The following RHBDL2 variants were observed in gnomAD, a reference collection of about 807,000 sequenced individuals.
RHBDL2 encodes the protein rhomboid like 2, also known as rhomboid-related protein 2.
In RHBDL2, 26 loss-of-function variants were observed where a neutral mutation model predicts 31.7. The observed-to-expected ratio is 0.82, with a 90% CI of 0.60 to 1.14. The LOEUF (loss-of-function observed/expected upper bound fraction) is 1.14, where lower values mean the gene tolerates loss of function less well. RHBDL2 is among the 50% of genes most tolerant of loss of function. The pLI is 0.00. For missense variants in RHBDL2, 336 were observed against 364.4 expected, an observed-to-expected ratio of 0.92 and a Z score of 0.63; for synonymous variants, 123 against 127.2, an observed-to-expected ratio of 0.97 and a Z score of 0.22.
At chr1:38,897,813 A>T (rs1215092962) in intron 4 of RHBDL2, among the ~76,000 whole-genome samples, 1 of 152,204 alleles carries the variant, frequency 6.6e-6, no homozygotes, top group African/African-American at 2.4e-5. Flanking sequence ...AAACAGGTAT[A>T]TGGATGACTG....
At chr1:38,893,857 A>C (rs1642882815) in intron 5 of RHBDL2, among the ~76,000 whole-genome samples, 1 of 152,090 alleles carries the variant, frequency 6.6e-6, no homozygotes, top group African/African-American at 2.4e-5. Context: ...CTCCTGTCTC[A>C]GACTCCTGAG....
At chr1:38,932,296 T>C (rs1346939010) in intron 1 of RHBDL2, among the ~76,000 whole-genome samples, 1 of 151,698 alleles carries the variant, frequency 6.6e-6, no homozygotes, top group Non-Finnish European at 1.5e-5. Flanking sequence ...GTGCCAGACC[T>C]ATGAATGGAA....
rs1404155823 is a variant in RHBDL2, at chr1:38,936,025, A to G, written c.-126+5657T>C. 2.6e-5 allele frequency among the ~76,000 whole-genome samples: 4 copies of G among 151,494 alleles called. No homozygotes were observed. In the South Asian group the frequency reaches 6.3e-4, roughly 24 times the overall value. ...CCTCTTGGGCTCAAGATATCCTCCC[A>G]CCTCAGCCTCCCAAATAGCTAGGAC... On this transcript the variant is annotated intron_variant, in intron 1 of 7. Transcript: ENST00000372990.
chr1:38,911,649 C>T (rs867259287), intron 3 of RHBDL2, among the ~76,000 whole-genome samples: 1 of 134,622 alleles, frequency 7.4e-6, no homozygotes, highest in African/African-American at 2.7e-5. Context: ...TGTGTGTGCG[C>T]GCGCGCGCGC....
chr1:38,897,898 T>C (rs1253587168), intron 4 of RHBDL2, among the ~76,000 whole-genome samples: 1 of 152,016 alleles, frequency 6.6e-6, no homozygotes, highest in Non-Finnish European at 1.5e-5. Context: ...TGGGAGGCCA[T>C]GGCAGGTGGA....
intron 1 of RHBDL2, among the ~76,000 whole-genome samples, chr1:38,925,532 G>A (rs759586610): frequency 6.6e-6 from 1 of 151,680 alleles, no homozygotes; most frequent in Non-Finnish European, 1.5e-5. Flanking sequence ...AAAAAAAAAG[G>A]TTAATCTCTC....
Position 38,886,664 on chromosome 1 carries a change from AT to A in RHBDL2, c.751del (p.Ile251LeufsTer23), listed in dbSNP as rs776675778. The A allele has an allele frequency of 1.7e-5, 26 of 1,563,480 alleles. No individual in the cohort carries two copies. Among genetic ancestry groups the A allele is most frequent in the Admixed American group, 9.3e-5 (5 of 53,614 alleles). Reference sequence around the variant, plus strand: ...GGACATTCCAGCAAATCCACCTGCAATGTGAGCTGCAAAAGACACCTTGGGA... The same window carrying A: ...GGACATTCCAGCAAATCCACCTGCAAGTGAGCTGCAAAAGACACCTTGGGA... ...DGSPVSFAAHIAGGFAGMSIG... is the reference protein window; with the variant it reads ...DGSPVSFAAHXAGGFAGMSIG... On this transcript the variant is annotated frameshift_variant, in exon 8 of 8. Transcript: ENST00000372990. LOFTEE classifies it high-confidence loss of function.
chr1:38,907,784 T>G (rs1265983436), intron 4 of RHBDL2, among the ~76,000 whole-genome samples: 3 of 152,152 alleles, frequency 2.0e-5, no homozygotes, highest in Non-Finnish European at 4.4e-5. Flanking sequence ...AGCTATAATT[T>G]TTAGAAGATA....
chr1:38,926,295 C>T, intron 1 of RHBDL2: 1 of 843,802 alleles, frequency 1.2e-6, no homozygotes, highest in Non-Finnish European at 1.5e-6. Flanking sequence ...CATCCAACGC[C>T]AGCTGTGGCT....
chr1:38,923,721 A>G (rs1198507753), intron 1 of RHBDL2, among the ~76,000 whole-genome samples: 1 of 152,238 alleles, frequency 6.6e-6, no homozygotes, highest in Non-Finnish European at 1.5e-5. Flanking sequence ...CCATTCATTT[A>G]CTTGGCACTC....
intron 1 of RHBDL2, among the ~76,000 whole-genome samples, chr1:38,921,256 C>G (rs987969157): frequency 2.0e-5 from 3 of 152,174 alleles, no homozygotes; most frequent in Non-Finnish European, 2.9e-5. Context: ...GTGGCACGTG[C>G]CTGTACTTCC....
intron 6 of RHBDL2, among the ~76,000 whole-genome samples, chr1:38,891,193 G>A (rs1285066229): frequency 1.3e-5 from 2 of 148,458 alleles, no homozygotes; most frequent in Non-Finnish European, 3.0e-5. Context: ...CCCAGGAGGC[G>A]GAGGTTGCAG....
intron 1 of RHBDL2, among the ~76,000 whole-genome samples, chr1:38,939,467 T>A (rs947470536): frequency 6.6e-6 from 1 of 152,032 alleles, no homozygotes; most frequent in South Asian, 2.1e-4. Context: ...TTCAAGACCA[T>A]CCTGGGCAAC....
intron 1 of RHBDL2, among the ~76,000 whole-genome samples, chr1:38,940,910 T>C (rs1459238647): frequency 6.6e-6 from 1 of 152,038 alleles, no homozygotes; most frequent in African/African-American, 2.4e-5. Context: ...AAAAAAATTA[T>C]AGCTGAGGAA....
At chr1:38,914,645 T>C (rs779672932) in intron 3 of RHBDL2, among the ~76,000 whole-genome samples, 1 of 152,086 alleles carries the variant, frequency 6.6e-6, no homozygotes, top group African/African-American at 2.4e-5. Flanking sequence ...ATTAGACAAC[T>C]AGGGGAACAT....
chr1:38,905,328 G>A (rs969069832), intron 4 of RHBDL2, among the ~76,000 whole-genome samples: 1 of 151,966 alleles, frequency 6.6e-6, no homozygotes, highest in African/African-American at 2.4e-5. Context: ...GCCTCCCATA[G>A]TGCTGGGATT....
chr1:38,929,633 G>A, intron 1 of RHBDL2: 5 of 1,235,598 alleles, frequency 4.0e-6, no homozygotes, highest in Non-Finnish European at 5.2e-6. Context: ...GGGAGCTCAG[G>A]AGGCTGGGCA....
rs572326669 is a variant in RHBDL2 at position 38,895,310 on chromosome 1, C to G, written c.609+659G>C. 7.9e-5 allele frequency among the ~76,000 whole-genome samples: 12 copies of G among 152,024 alleles called. No individual in the cohort carries two copies. The South Asian group carries it at 2.1e-3, about 26-fold the overall frequency. On this transcript the variant is annotated intron_variant, in intron 5 of 7. Coordinates refer to ENST00000372990, the MANE Select transcript of RHBDL2 (RefSeq NM_017821.5). ...AAGTAGCCGTTCTTTTATTCCTTTACTTTCTTAATAAACTTGGTTTCCTTT... is the reference window on the plus strand; with the variant it reads ...AAGTAGCCGTTCTTTTATTCCTTTAGTTTCTTAATAAACTTGGTTTCCTTT...
In RHBDL2 at chr1:38,908,951, G is replaced by A. The variant is rs1643104741; in HGVS notation, c.508+2371C>T. On this transcript the variant is annotated intron_variant, in intron 4 of 7. Coordinates refer to ENST00000372990, the MANE Select transcript of RHBDL2 (RefSeq NM_017821.5). ...AGTGGAAGTAGCTCTCAGCAGATGG[G>A]GTAGCCAGAAGGCGGATGGTTTTCC... Among the ~76,000 whole-genome samples the A allele has an allele frequency of 2.6e-5, 4 of 152,178 alleles. No individual in the cohort carries two copies. The South Asian group carries it at 8.3e-4, about 31-fold the overall frequency.
Sources: gnomAD v4.1 joint callset for allele counts (sites outside exome capture counted in the v4.1 genomes callset) on GRCh38, gnomAD v4.1.1 for gene constraint, MANE v1.5 for transcripts, NCBI Gene and HGNC (gene_info 2026-07-23, HGNC 2026-07-21) for gene names.